SOBP: variants seen among roughly 807,000 people sequenced by gnomAD.
SOBP encodes the protein sine oculis binding protein homolog.
SOBP carries 4 observed loss-of-function variants against 53.6 expected under a neutral mutation model. The observed-to-expected ratio is 0.07, with a 90% CI of 0.04 to 0.17. SOBP has a LOEUF of 0.17. Among genes scored for constraint, SOBP ranks in the 10% least tolerant of loss-of-function variants. The probability of loss-of-function intolerance (pLI) is 1.00; values close to 1 mark genes in which losing one functional copy is unlikely to be tolerated. For missense variants in SOBP, 1,088 were observed against 1,204.7 expected (o/e 0.90, Z 1.43); for synonymous variants, 584 against 522.6 (o/e 1.12, Z -1.60).
chr6:107,655,235 C>G (rs990695414), intron 6 of SOBP, among the ~76,000 whole-genome samples: 1 of 152,058 alleles, frequency 6.6e-6, no homozygotes, highest in Admixed American at 6.6e-5. Flanking sequence ...TATTTCCTCC[C>G]CACTCTGTTG....
chr6:107,647,990 G>C (rs1431436344), intron 6 of SOBP, among the ~76,000 whole-genome samples: 1 of 152,080 alleles, frequency 6.6e-6, no homozygotes, highest in African/African-American at 2.4e-5. Flanking sequence ...TTTTGCAATG[G>C]CATTTGTACT....
chr6:107,654,862 T>TGG (rs1252220453), intron 6 of SOBP, among the ~76,000 whole-genome samples: 1 of 140,082 alleles, frequency 7.1e-6, no homozygotes, highest in Non-Finnish European at 1.5e-5. Context: ...ATCAAGGCTC[T>TGG]GGGGGAGGGT....
intron 3 of SOBP, among the ~76,000 whole-genome samples, chr6:107,524,278 C>T (rs1562589241): frequency 1.3e-5 from 2 of 152,112 alleles, no homozygotes; most frequent in Non-Finnish European, 2.9e-5. Context: ...TCGCTTATCA[C>T]GTTCATTTGT....
At chr6:107,622,835 C>T (rs1770240166) in intron 5 of SOBP, among the ~76,000 whole-genome samples, 1 of 152,120 alleles carries the variant, frequency 6.6e-6, no homozygotes. Context: ...ATGGAGCAGA[C>T]ATTTAAAAAA....
intron 6 of SOBP, among the ~76,000 whole-genome samples, chr6:107,643,442 G>A (rs1178680285): frequency 1.3e-5 from 2 of 151,886 alleles, no homozygotes; most frequent in Non-Finnish European, 2.9e-5. Context: ...TTCTGAGATG[G>A]AGTTTCACTC....
At chr6:107,648,370 A>G (rs699697) in intron 6 of SOBP, among the ~76,000 whole-genome samples, 23,924 of 151,796 alleles carry the variant, frequency 0.16, 3,950 homozygotes, top group African/African-American at 0.39. Context: ...AAATTCATCT[A>G]GGATTTAGCA....
intron 5 of SOBP, among the ~76,000 whole-genome samples, chr6:107,628,116 A>C (rs1344514435): frequency 6.6e-6 from 1 of 152,222 alleles, no homozygotes; most frequent in Non-Finnish European, 1.5e-5. Context: ...GGCTTCCACT[A>C]TTCAAACAGC....
At chr6:107,618,706 G>T (rs995091583) in intron 5 of SOBP, among the ~76,000 whole-genome samples, 1 of 152,256 alleles carries the variant, frequency 6.6e-6, no homozygotes, top group African/African-American at 2.4e-5. Flanking sequence ...AGGCTGCTCA[G>T]TTGTGGCCCC....
chr6:107,570,367 G>C (rs1213578331), intron 4 of SOBP, among the ~76,000 whole-genome samples: 1 of 152,112 alleles, frequency 6.6e-6, no homozygotes, highest in Non-Finnish European at 1.5e-5. Flanking sequence ...GTATCTTTTA[G>C]CCTAAATCAA....
rs549047728 is a variant in SOBP at position 107,498,601 on chromosome 6, T to C, written c.97-5056T>C. Among the ~76,000 whole-genome samples, 164 of 152,182 alleles carry C rather than the reference T, an allele frequency of 1.1e-3. No homozygotes were observed. In the Middle Eastern group the frequency reaches 0.02, roughly 19 times the overall value. On this transcript the variant is annotated intron_variant, in intron 1 of 6. Coordinates refer to ENST00000317357, the MANE Select transcript of SOBP (RefSeq NM_018013.4). ...CTCCTCAGAAAGAAAAAAAAAATCATGTAGGTTGAACTTTGACATTTGTAC... is the reference window on the plus strand; with the variant it reads ...CTCCTCAGAAAGAAAAAAAAAATCACGTAGGTTGAACTTTGACATTTGTAC...
chr6:107,603,106 T>C (rs1786246864), intron 5 of SOBP, among the ~76,000 whole-genome samples: 2 of 152,214 alleles, frequency 1.3e-5, no homozygotes, highest in Non-Finnish European at 1.5e-5. Flanking sequence ...CTCATGAACA[T>C]GCAAATGAAT....
At chr6:107,578,344 A>C (rs1785301215) in intron 4 of SOBP, among the ~76,000 whole-genome samples, 1 of 152,098 alleles carries the variant, frequency 6.6e-6, no homozygotes, top group African/African-American at 2.4e-5. Flanking sequence ...AAAATTTGAA[A>C]ATTTCCCTTA....
At chr6:107,625,124 C>T (rs980941428) in intron 5 of SOBP, among the ~76,000 whole-genome samples, 2 of 152,192 alleles carry the variant, frequency 1.3e-5, no homozygotes, top group Non-Finnish European at 2.9e-5. Flanking sequence ...ATGTAGCATG[C>T]TCAGCATGGG....
intron 5 of SOBP, among the ~76,000 whole-genome samples, chr6:107,626,953 G>T (rs1202201684): frequency 6.6e-6 from 1 of 152,176 alleles, no homozygotes; most frequent in Admixed American, 6.5e-5. Flanking sequence ...TCCTTTCAGG[G>T]CTTAATTTCA....
intron 6 of SOBP, among the ~76,000 whole-genome samples, chr6:107,639,197 C>T (rs748645740): frequency 2.0e-5 from 3 of 152,206 alleles, no homozygotes; most frequent in Non-Finnish European, 4.4e-5. Context: ...GCCGCCGCTC[C>T]CAGTCTGTAG....
intron 6 of SOBP, among the ~76,000 whole-genome samples, chr6:107,655,627 T>C (rs1346183294): frequency 6.6e-6 from 1 of 152,176 alleles, no homozygotes; most frequent in Non-Finnish European, 1.5e-5. Flanking sequence ...TTCAGAACTT[T>C]GGGGGAAAAC....
At chr6:107,519,530 G>A (rs1376939704) in intron 3 of SOBP, among the ~76,000 whole-genome samples, 6 of 152,088 alleles carry the variant, frequency 3.9e-5, no homozygotes, top group Non-Finnish European at 5.9e-5. Flanking sequence ...TGTGGCATAC[G>A]TCTCTCGCTT....
Position 107,628,176 on chromosome 6 carries a change from C to A in SOBP, c.670-5338C>A, listed in dbSNP as rs1770545729. The stretch of plus-strand genomic sequence containing the variant: ...ATTTTAATGGTTCTAACGCTCATTT[C>A]CAAGCAGCCATGTCGCTTTATCAAG... On this transcript the variant is annotated intron_variant, in intron 5 of 6. Transcript: ENST00000317357. Among the ~76,000 whole-genome samples the A allele has an allele frequency of 2.0e-5, 3 of 152,228 alleles. No homozygotes were observed. The South Asian group carries it at 6.2e-4, about 32-fold the overall frequency.
chr6:107,575,347 G>T (rs977883547), intron 4 of SOBP, among the ~76,000 whole-genome samples: 1 of 152,246 alleles, frequency 6.6e-6, no homozygotes, highest in Non-Finnish European at 1.5e-5. Flanking sequence ...TTCTTCCTTT[G>T]TTCCGGATGA....
Sources: gnomAD v4.1 joint callset for allele counts (sites outside exome capture counted in the v4.1 genomes callset) on GRCh38, gnomAD v4.1.1 for gene constraint, MANE v1.5 for transcripts, NCBI Gene and HGNC (gene_info 2026-07-23, HGNC 2026-07-21) for gene names.